The following SFMBT2 variants were observed in gnomAD, a reference collection of about 807,000 sequenced individuals.
SFMBT2 encodes Scm like with four mbt domains 2.
SFMBT2 carries 38 observed loss-of-function variants against 110.1 expected under a neutral mutation model. That is an observed-to-expected ratio of 0.35 (90% CI 0.27 to 0.45). SFMBT2 has a LOEUF of 0.45. SFMBT2 is among the 20% of genes least tolerant of loss of function. The pLI is 1.00. For missense variants in SFMBT2, 1,011 were observed against 1,094.9 expected (o/e 0.92, Z 1.08); for synonymous variants, 425 against 425.4 (o/e 1.00, Z 0.01).
chr10:7,368,760 T>C (rs947922767), intron 3 of SFMBT2, among the ~76,000 whole-genome samples: 3 of 152,226 alleles, frequency 2.0e-5, no homozygotes, highest in Non-Finnish European at 4.4e-5. Context: ...TGCCAAATCA[T>C]CTCAGCATCT....
chr10:7,266,193 G>C (rs914786313), intron 7 of SFMBT2, among the ~76,000 whole-genome samples: 2 of 151,904 alleles, frequency 1.3e-5, no homozygotes, highest in African/African-American at 4.8e-5. Context: ...GGGTTCAAGC[G>C]ATTCTCCTGC....
intron 9 of SFMBT2, among the ~76,000 whole-genome samples, chr10:7,240,282 G>A (rs966094937): frequency 2.0e-5 from 3 of 152,002 alleles, no homozygotes; most frequent in South Asian, 2.1e-4. Flanking sequence ...AGTGTCATAC[G>A]ATACCTACTG....
intron 8 of SFMBT2, among the ~76,000 whole-genome samples, chr10:7,246,841 G>C (rs948322298): frequency 5.3e-5 from 8 of 151,598 alleles, no homozygotes; most frequent in African/African-American, 1.9e-4. Flanking sequence ...TGATACATCT[G>C]CAGACAGATG....
chr10:7,360,348 T>C (rs1844676824), intron 4 of SFMBT2, among the ~76,000 whole-genome samples: 1 of 152,138 alleles, frequency 6.6e-6, no homozygotes, highest in Non-Finnish European at 1.5e-5. Flanking sequence ...GTGCCTGTAG[T>C]TCCAGCTACT....
At chr10:7,180,525 G>C (rs1031708588) in intron 16 of SFMBT2, among the ~76,000 whole-genome samples, 6 of 152,118 alleles carry the variant, frequency 3.9e-5, no homozygotes, top group Non-Finnish European at 8.8e-5. Context: ...GAGGTAAAAA[G>C]GTCACTGGGG....
intron 4 of SFMBT2, among the ~76,000 whole-genome samples, chr10:7,336,422 T>C (rs1843718321): frequency 6.6e-6 from 1 of 152,214 alleles, no homozygotes; most frequent in Non-Finnish European, 1.5e-5. Flanking sequence ...GAATGTTTTA[T>C]TTATCTTGCA....
intron 4 of SFMBT2, chr10:7,329,515 G>A: frequency 1.0e-6 from 1 of 984,758 alleles, no homozygotes; most frequent in Non-Finnish European, 1.2e-6. Flanking sequence ...GAGAGGAGGT[G>A]CTGCTGCTGC....
chr10:7,265,799 C>T (rs1040788975), intron 7 of SFMBT2, among the ~76,000 whole-genome samples: 5 of 152,114 alleles, frequency 3.3e-5, no homozygotes, highest in Non-Finnish European at 5.9e-5. Context: ...GGACTTATAT[C>T]CCCATGAATC....
intron 4 of SFMBT2, among the ~76,000 whole-genome samples, chr10:7,311,686 T>A (rs1842862105): frequency 1.3e-5 from 2 of 152,234 alleles, no homozygotes; most frequent in Admixed American, 6.5e-5. Context: ...ATAGATTTCC[T>A]TTATCTAGGC....
chr10:7,381,960 TC>T lies in SFMBT2; in HGVS notation c.-51-12del. On this transcript the variant is annotated splice_polypyrimidine_tract_variant and intron_variant, in intron 1 of 20. Transcript: ENST00000397167. Reference sequence around the variant, plus strand: ...TGCAGAAAAAATTACCTAAGAGCAATCAAAAAAAAAAAAATCAGAGCAGTTT... The same window carrying T: ...TGCAGAAAAAATTACCTAAGAGCAATAAAAAAAAAAAAATCAGAGCAGTTT... 2.2e-6 allele frequency: 3 copies of T among 1,337,526 alleles called. No individual in the cohort carries two copies. The highest frequency in any genetic ancestry group is 1.7e-5 in the South Asian group (1 of 59,396). 82.9% of individuals were successfully genotyped at this position (1,337,526 alleles called of 1,614,324 possible).
At chr10:7,213,694 TGTGG>T (rs1839432250) in intron 11 of SFMBT2, among the ~76,000 whole-genome samples, 1 of 146,756 alleles carries the variant, frequency 6.8e-6, no homozygotes, top group African/African-American at 2.6e-5. Context: ...AGGCCATGGG[TGTGG>T]GCACTCAGAT....
chr10:7,167,412 C>T lies in SFMBT2; in HGVS notation c.2545-3502G>A, dbSNP rs1307236521. Among the ~76,000 whole-genome samples, 5 of 152,076 alleles carry T rather than the reference C, an allele frequency of 3.3e-5. No individual in the cohort carries two copies. The East Asian group carries it at 7.7e-4, about 23-fold the overall frequency. ...ACATTTCAGAAATAAAAGGCACAGA[C>T]GCTGGTCATGGGGAGTTCAGAATTT... On this transcript the variant is annotated intron_variant, in intron 20 of 20. Coordinates refer to ENST00000397167, the MANE Select transcript of SFMBT2 (RefSeq NM_001387889.1).
chr10:7,377,817 A>C (rs2132073367), intron 2 of SFMBT2, among the ~76,000 whole-genome samples: 1 of 152,296 alleles, frequency 6.6e-6, no homozygotes, highest in Middle Eastern at 3.4e-3. Context: ...GTAACAGCCC[A>C]TGGACCAGTA....
chr10:7,348,219 G>C, intron 4 of SFMBT2: 3 of 1,347,344 alleles, frequency 2.2e-6, no homozygotes, highest in Non-Finnish European at 3.0e-6. Context: ...TGGTGGGAGA[G>C]GTTCGTGTGG....
intron 4 of SFMBT2, among the ~76,000 whole-genome samples, chr10:7,318,437 A>G (rs117442171): frequency 0.033 from 5,023 of 152,214 alleles, 122 homozygotes; most frequent in Non-Finnish European, 0.054. Context: ...TATTGTCCCC[A>G]CTTAGAAATA....
At chr10:7,198,482 C>T (rs142880241) in intron 14 of SFMBT2, among the ~76,000 whole-genome samples, 8 of 152,298 alleles carry the variant, frequency 5.3e-5, no homozygotes, top group South Asian at 4.1e-4. Context: ...GACATGGCCA[C>T]GCCATTCTCC....
rs12245095 is a variant in SFMBT2 at position 7,384,963 on chromosome 10, G to A, written c.-51-3014C>T. Among the ~76,000 whole-genome samples the A allele has an allele frequency of 9.0e-3, 1,368 of 152,268 alleles. 24 individuals carry two copies. The highest frequency in any genetic ancestry group is 0.031 in the African/African-American group (1,294 of 41,546). On this transcript the variant is annotated intron_variant, in intron 1 of 20. Coordinates refer to ENST00000397167, the MANE Select transcript of SFMBT2 (RefSeq NM_001387889.1). ...GAAGGTTCCAGAGATTTCCTCCCAT[G>A]AGCTGCACACAGCAGAGGAAAGGCT...
intron 4 of SFMBT2, among the ~76,000 whole-genome samples, chr10:7,286,825 G>C (rs1226373118): frequency 6.6e-6 from 1 of 152,138 alleles, no homozygotes; most frequent in African/African-American, 2.4e-5. Flanking sequence ...CACACTCCAA[G>C]CGCACAGCAC....
chr10:7,201,409 A>G (rs1039913365), intron 13 of SFMBT2, among the ~76,000 whole-genome samples: 16 of 152,188 alleles, frequency 1.1e-4, no homozygotes, highest in African/African-American at 3.9e-4. Flanking sequence ...TTAAGGAGTG[A>G]TGGATTCAAG....
Sources: allele counts gnomAD v4.1 joint callset (sites outside exome capture counted in the v4.1 genomes callset), GRCh38; gene constraint gnomAD v4.1.1; transcripts MANE v1.5; gene names NCBI Gene and HGNC (gene_info 2026-07-23, HGNC 2026-07-21).